Variants in DIP2C observed in about 807,000 individuals in gnomAD.
DIP2C encodes disco-interacting protein 2 homolog C.
In DIP2C, 33 loss-of-function variants were observed where a neutral mutation model predicts 192.4. That is an observed-to-expected ratio of 0.17 (90% CI 0.13 to 0.23). DIP2C has a LOEUF of 0.23. DIP2C is among the 10% of genes least tolerant of loss of function. The pLI is 1.00. For missense variants in DIP2C, 1,537 were observed against 2,110.1 expected, an observed-to-expected ratio of 0.73 and a Z score of 5.32; for synonymous variants, 979 against 864.1, an observed-to-expected ratio of 1.13 and a Z score of -2.33.
rs546937711 is a variant in DIP2C at position 640,584 on chromosome 10, C to T, written c.85+48910G>A. Among the ~76,000 whole-genome samples, 1,353 of 151,664 alleles carry T rather than the reference C, an allele frequency of 8.9e-3. 27 individuals are homozygous for T. Among genetic ancestry groups the T allele is most frequent in the African/African-American group, 0.031 (1,298 of 41,296 alleles). ...GACCCCGGGTAGACGCGACGGGGGA[C>T]GAGGGTGCGTGCCGGGACGAGGGTG... is the stretch of plus-strand genomic sequence containing the variant. On this transcript the variant is annotated intron_variant, in intron 1 of 36. Coordinates refer to ENST00000280886, the MANE Select transcript of DIP2C (RefSeq NM_014974.3).
intron 31 of DIP2C, among the ~76,000 whole-genome samples, chr10:325,644 A>C (rs1243583411): frequency 6.6e-6 from 1 of 152,236 alleles, no homozygotes; most frequent in Non-Finnish European, 1.5e-5. Context: ...AGATGGCGAT[A>C]AACATTTATG....
chr10:333,553 G>A (rs968248208), intron 29 of DIP2C, among the ~76,000 whole-genome samples: 4 of 152,194 alleles, frequency 2.6e-5, no homozygotes, highest in Admixed American at 1.3e-4. Flanking sequence ...ACCTGCTAGC[G>A]GATACCTGGA....
chr10:537,339 C>A (rs567350084), intron 1 of DIP2C, among the ~76,000 whole-genome samples: 1 of 152,284 alleles, frequency 6.6e-6, no homozygotes, highest in South Asian at 2.1e-4. Context: ...CAAGTGCACT[C>A]TCTCCACTGA....
rs149029846 is a variant in DIP2C, at chr10:510,015, C to T, written c.86-23485G>A. On this transcript the variant is annotated intron_variant, in intron 1 of 36. Coordinates refer to ENST00000280886, the MANE Select transcript of DIP2C (RefSeq NM_014974.3). ...AGGGCTCAGGAACCACGGGGTGCAG[C>T]GCGGCCTGCAGCAAACCAGACACAT... 6.8e-3 allele frequency among the ~76,000 whole-genome samples: 1,035 copies of T among 152,326 alleles called. 13 individuals are homozygous for T. The highest frequency in any genetic ancestry group is 0.024 in the African/African-American group (989 of 41,580).
intron 1 of DIP2C, among the ~76,000 whole-genome samples, chr10:506,887 C>T (rs1845627464): frequency 6.6e-6 from 1 of 152,174 alleles, no homozygotes; most frequent in African/African-American, 2.4e-5. Flanking sequence ...ACACTGTGCA[C>T]AGAGGTGTGA....
intron 10 of DIP2C, among the ~76,000 whole-genome samples, chr10:396,508 C>T (rs1264814320): frequency 6.6e-6 from 1 of 152,180 alleles, no homozygotes; most frequent in Non-Finnish European, 1.5e-5. Context: ...GGTTATTGAA[C>T]CATCACCATA....
intron 2 of DIP2C, among the ~76,000 whole-genome samples, chr10:477,818 CAAGAGAGAAGGAGAAG>C (rs1190540932): frequency 8.5e-6 from 1 of 117,938 alleles, no homozygotes; most frequent in African/African-American, 3.3e-5. Flanking sequence ...AGAAGGAAAA[CAAGAGAGAAGGAGAAG>C]GGAGAAAGAA....
intron 1 of DIP2C, chr10:662,685 C>T: frequency 3.7e-6 from 2 of 536,172 alleles, no homozygotes; most frequent in Non-Finnish European, 3.4e-6. Flanking sequence ...AAATTGTTAT[C>T]AAATTAGGTA....
At chr10:418,281 T>A (rs1225384642) in intron 6 of DIP2C, among the ~76,000 whole-genome samples, 12 of 144,096 alleles carry the variant, frequency 8.3e-5, no homozygotes, top group African/African-American at 3.1e-4. Context: ...CAGATAGGCA[T>A]CCCCGTCCAC....
intron 1 of DIP2C, among the ~76,000 whole-genome samples, chr10:633,925 TG>T (rs1854680162): frequency 6.6e-6 from 1 of 152,230 alleles, no homozygotes; most frequent in Non-Finnish European, 1.5e-5. Flanking sequence ...AGACAGAAAC[TG>T]CTTTTTTTCC....
At chr10:478,905 G>C (rs369303753) in intron 2 of DIP2C, among the ~76,000 whole-genome samples, 1 of 152,156 alleles carries the variant, frequency 6.6e-6, no homozygotes, top group African/African-American at 2.4e-5. Flanking sequence ...GGAAGAGAGG[G>C]GTAGGGAGGG....
In DIP2C at chr10:445,827, C is replaced by T. The variant is rs185990287; in HGVS notation, c.269-4831G>A. On this transcript the variant is annotated intron_variant, in intron 3 of 36. Transcript: ENST00000280886. ...TCACGGTCCACTGGGCATCTGTATA[C>T]ATCTGCTGTGAAGAGTCTATCTTGC... Among the ~76,000 whole-genome samples the T allele has an allele frequency of 2.7e-4, 41 of 152,010 alleles. 1 individual carries two copies. The East Asian group carries it at 3.3e-3, about 12-fold the overall frequency.
At chr10:653,842 A>G (rs1856108285) in intron 1 of DIP2C, among the ~76,000 whole-genome samples, 1 of 152,220 alleles carries the variant, frequency 6.6e-6, no homozygotes, top group Admixed American at 6.5e-5. Context: ...TTGAGAAACC[A>G]AAGTTCTCTT....
intron 1 of DIP2C, among the ~76,000 whole-genome samples, chr10:555,364 G>A (rs762526597): frequency 4.6e-5 from 7 of 152,074 alleles, no homozygotes; most frequent in East Asian, 1.9e-4. Context: ...AACATCGTGC[G>A]TCGGAAAACC....
chr10:417,323 C>G (rs72772877), intron 6 of DIP2C, among the ~76,000 whole-genome samples: 135 of 152,194 alleles, frequency 8.9e-4, no homozygotes, highest in Non-Finnish European at 1.5e-3. Context: ...CGAGACAGCA[C>G]AACACACCAC....
chr10:522,449 C>T (rs2130821407), intron 1 of DIP2C, among the ~76,000 whole-genome samples: 1 of 152,370 alleles, frequency 6.6e-6, no homozygotes, highest in South Asian at 2.1e-4. Context: ...ACTGTGGTTG[C>T]TCCTGTGGTC....
intron 34 of DIP2C, 75 bp downstream of exon 34, chr10:286,198 G>C (rs1485243240): frequency 2.5e-5 from 35 of 1,417,334 alleles, no homozygotes; most frequent in Non-Finnish European, 3.3e-5. Flanking sequence ...CATGTGAGCA[G>C]TTCTGATGGT....
chr10:524,655 C>T (rs895209257), intron 1 of DIP2C, among the ~76,000 whole-genome samples: 1 of 152,236 alleles, frequency 6.6e-6, no homozygotes, highest in African/African-American at 2.4e-5. Context: ...TAAGTATTAG[C>T]GTTTTATTTT....
At chr10:575,719 A>T (rs1431424429) in intron 1 of DIP2C, among the ~76,000 whole-genome samples, 1 of 152,216 alleles carries the variant, frequency 6.6e-6, no homozygotes, top group African/African-American at 2.4e-5. Flanking sequence ...AGAGGAAGTC[A>T]TAGGGAGGGC....
Sources: gnomAD v4.1 joint callset for allele counts (sites outside exome capture counted in the v4.1 genomes callset) on GRCh38, gnomAD v4.1.1 for gene constraint, MANE v1.5 for transcripts, NCBI Gene and HGNC (gene_info 2026-07-23, HGNC 2026-07-21) for gene names.